Variants in HLF observed in about 807,000 individuals in gnomAD.
HLF encodes HLF transcription factor, PAR bZIP family member.
HLF carries 3 observed loss-of-function variants against 22.6 expected under a neutral mutation model. That is an observed-to-expected ratio of 0.13 (90% CI 0.06 to 0.34). HLF has a LOEUF of 0.34. Among genes scored for constraint, HLF ranks in the 10% least tolerant of loss-of-function variants. The probability of loss-of-function intolerance (pLI) is 1.00; values close to 1 mark genes in which losing one functional copy is unlikely to be tolerated. For missense variants in HLF, 299 were observed against 389.2 expected (o/e 0.77, Z 1.95); for synonymous variants, 151 against 151.8 (o/e 0.99, Z 0.04).
intron 2 of HLF, among the ~76,000 whole-genome samples, chr17:55,308,627 C>G (rs1330844559): frequency 6.6e-6 from 1 of 152,112 alleles, no homozygotes; most frequent in Non-Finnish European, 1.5e-5. Context: ...GCATTCAGAC[C>G]CAGGTCTGAC....
chr17:55,308,829 A>G (rs1904701825), intron 2 of HLF, among the ~76,000 whole-genome samples: 1 of 152,196 alleles, frequency 6.6e-6, no homozygotes, highest in African/African-American at 2.4e-5. Flanking sequence ...CTCATCTGTA[A>G]TTGCTATGGG....
At chr17:55,295,562 AAAG>A (rs1957187979) in intron 2 of HLF, among the ~76,000 whole-genome samples, 1 of 152,218 alleles carries the variant, frequency 6.6e-6, no homozygotes, top group South Asian at 2.1e-4. Flanking sequence ...CGTGGTGTTT[AAAG>A]AAGATGTTGG....
At chr17:55,273,235 G>T (rs190449392) in intron 2 of HLF, 1 of 152,094 alleles carries the variant, frequency 6.6e-6, no homozygotes, top group Non-Finnish European at 1.5e-5. Context: ...CAGTTTACTC[G>T]TCAATACAAT....
chr17:55,313,160 T>C (rs112640424), intron 2 of HLF, among the ~76,000 whole-genome samples: 36 of 152,294 alleles, frequency 2.4e-4, no homozygotes, highest in Middle Eastern at 3.4e-3. Context: ...TCAAGAAAGG[T>C]TCCACCTGAA....
At chr17:55,296,966 T>G (rs748434626) in intron 2 of HLF, among the ~76,000 whole-genome samples, 14 of 152,172 alleles carry the variant, frequency 9.2e-5, no homozygotes, top group South Asian at 4.1e-4. Flanking sequence ...GGTTGAGAAC[T>G]TACATATGTT....
intron 1 of HLF, 53 bp from the exon 2 acceptor site, chr17:55,267,698 T>G (rs2080806928): frequency 7.9e-7 from 1 of 1,267,416 alleles, no homozygotes; most frequent in Non-Finnish European, 1.1e-6. Context: ...AAGAGCGGTA[T>G]TGTTTTTCTT....
chr17:55,304,310 G>A (rs911424433), intron 2 of HLF, among the ~76,000 whole-genome samples: 2 of 152,176 alleles, frequency 1.3e-5, no homozygotes, highest in African/African-American at 2.4e-5. Context: ...CCGGCCCAGG[G>A]AGGAGGAGGT....
chr17:55,302,623 C>G (rs976901609), intron 2 of HLF, among the ~76,000 whole-genome samples: 1 of 152,150 alleles, frequency 6.6e-6, no homozygotes, highest in African/African-American at 2.4e-5. Context: ...TCTCCTGCTT[C>G]ACTCTCTTTT....
At chr17:55,274,306 A>G (rs1245097761) in intron 2 of HLF, among the ~76,000 whole-genome samples, 1 of 152,180 alleles carries the variant, frequency 6.6e-6, no homozygotes, top group Non-Finnish European at 1.5e-5. Flanking sequence ...AGAGAAAGTA[A>G]TAAGATGAAA....
chr17:55,269,131 A>T (rs2145292558), intron 2 of HLF, among the ~76,000 whole-genome samples: 1 of 152,306 alleles, frequency 6.6e-6, no homozygotes, highest in Non-Finnish European at 1.5e-5. Context: ...CTCTTGTAGA[A>T]ATTTCTGTGG....
chr17:55,318,180 A>G (rs1905139021), intron 3 of HLF, among the ~76,000 whole-genome samples: 1 of 152,162 alleles, frequency 6.6e-6, no homozygotes, highest in African/African-American at 2.4e-5. Context: ...AAGGGGGCAG[A>G]GGATGGAGTG....
chr17:55,284,444 A>G (rs2080982700), intron 2 of HLF, among the ~76,000 whole-genome samples: 1 of 152,312 alleles, frequency 6.6e-6, no homozygotes, highest in Non-Finnish European at 1.5e-5. Flanking sequence ...TGAGCTCTGC[A>G]TACGGTTAAC....
At chr17:55,276,239 A>G (rs1431953156) in intron 2 of HLF, among the ~76,000 whole-genome samples, 1 of 152,204 alleles carries the variant, frequency 6.6e-6, no homozygotes, top group Non-Finnish European at 1.5e-5. Context: ...TGAGGAAGAG[A>G]GACAAGAGTA....
intron 2 of HLF, among the ~76,000 whole-genome samples, chr17:55,280,936 A>G (rs2080949214): frequency 6.6e-6 from 1 of 152,236 alleles, no homozygotes; most frequent in Non-Finnish European, 1.5e-5. Context: ...CAAAGGGGAC[A>G]ACTAGAAGTT....
At chr17:55,272,094 C>G (rs1050608055) in intron 2 of HLF, 2 of 152,194 alleles carry the variant, frequency 1.3e-5, no homozygotes, top group Admixed American at 6.5e-5. Flanking sequence ...AGGGGCTCCT[C>G]GGTCATCCAA....
At chr17:55,315,822 G>T (rs1345310426) in intron 3 of HLF, among the ~76,000 whole-genome samples, 1 of 152,216 alleles carries the variant, frequency 6.6e-6, no homozygotes, top group East Asian at 1.9e-4. Flanking sequence ...GAACCTCATT[G>T]CCCTCGAAGG....
At chr17:55,288,944 A>C in intron 2 of HLF, 1 of 985,294 alleles carries the variant, frequency 1.0e-6, no homozygotes, top group Non-Finnish European at 1.2e-6. Flanking sequence ...AGAGTTCTTA[A>C]AACTCATCCC....
At chr17:55,271,342 A>G (rs935134098) in intron 2 of HLF, among the ~76,000 whole-genome samples, 7 of 152,146 alleles carry the variant, frequency 4.6e-5, no homozygotes, top group Admixed American at 1.3e-4. Context: ...TTACCAAACA[A>G]TTGTTTTTGG....
rs556495504 is a variant in HLF at position 55,287,665 on chromosome 17, T to C, written c.451+19579T>C. Among the ~76,000 whole-genome samples the C allele has an allele frequency of 2.0e-5, 3 of 152,354 alleles. No homozygotes were observed. In the South Asian group the frequency reaches 6.2e-4, roughly 32 times the overall value. On this transcript the variant is annotated intron_variant, in intron 2 of 3. Coordinates refer to ENST00000226067, the MANE Select transcript of HLF (RefSeq NM_002126.5). ...TGTTGCACCTGTGTTTGGCCTATCC[T>C]CATACCAGTGTAAATACTTCAATCC...
Sources: gnomAD v4.1 joint callset for allele counts (sites outside exome capture counted in the v4.1 genomes callset) on GRCh38, gnomAD v4.1.1 for gene constraint, MANE v1.5 for transcripts, NCBI Gene and HGNC (gene_info 2026-07-23, HGNC 2026-07-21) for gene names.